The following HTR1A variants were observed in gnomAD, a reference collection of about 807,000 sequenced individuals.
HTR1A encodes the protein 5-hydroxytryptamine receptor 1A, also known as 5-HT1a receptor.
In HTR1A, 17 loss-of-function variants were observed where a neutral mutation model predicts 24.6. That is an observed-to-expected ratio of 0.69 (90% CI 0.47 to 1.04). HTR1A has a LOEUF of 1.04. Among genes scored for constraint, HTR1A ranks in the 50% least tolerant of loss-of-function variants. HTR1A has a pLI of 0.00. For synonymous variants in HTR1A, 262 were observed against 244.6 expected, an observed-to-expected ratio of 1.07 and a Z score of -0.67; for missense variants, 515 against 565.1, an observed-to-expected ratio of 0.91 and a Z score of 0.90.
rs1204328152 is a variant in HTR1A at position 63,959,502 on chromosome 5, C to T, written c.*949G>A. Among the ~76,000 whole-genome samples the T allele has an allele frequency of 6.6e-6, 1 of 152,254 alleles. No homozygotes were observed. Among genetic ancestry groups the T allele is most frequent in the East Asian group, 1.9e-4 (1 of 5,192 alleles). On this transcript the variant is annotated 3_prime_UTR_variant, in exon 1 of 1. Transcript: ENST00000323865. ...GCTTCCCCAGAGCGCAAACAGCGGC[C>T]GGCTGGCGCCTCCCGCAGTAAGTAA...
Position 63,960,676 on chromosome 5 carries a change from G to A in HTR1A, c.1044C>T (p.Gly348=). The change falls in exon 1 of 1, where the codon GGC becomes GGT. Residue 348 remains glycine, a synonymous_variant. Transcript: ENST00000323865. ...AGAGGATGAAGGTGCCCATGATGAT[G>A]CCCAGCGTCTTCACTGTCTTCCTCT... ...ARERKTVKTL[G]IIMGTFILCW... 6.2e-7 allele frequency: 1 copy of A among 1,614,244 alleles called. No homozygotes were observed. The highest frequency in any genetic ancestry group is 8.5e-7 in the Non-Finnish European group (1 of 1,180,050).
chr5:63,961,327 C>A lies in HTR1A; in HGVS notation c.393G>T (p.Ala131=), dbSNP rs1217425180. The A allele has an allele frequency of 6.2e-7, 1 of 1,614,074 alleles. No individual in the cohort carries two copies. Among genetic ancestry groups the A allele is most frequent in the Admixed American group, 1.7e-5 (1 of 60,020 alleles). ...TSSILHLCAI[A]LDRYWAITDP... is the part of the protein sequence containing the mutation. ...CCGTGATGGCCCAGTACCTGTCCAG[C>A]GCGATGGCGCACAGGTGCAAGATGG... The change falls in exon 1 of 1, where the codon GCG becomes GCT. Residue 131 remains alanine (A), a synonymous_variant. Transcript: ENST00000323865.
rs1746397342 is a variant in HTR1A at position 63,960,276 on chromosome 5, G to A, written c.*175C>T. The A allele has an allele frequency of 2.7e-6, 2 of 733,520 alleles. No homozygotes were observed. Among genetic ancestry groups the A allele is most frequent in the African/African-American group, 1.7e-5 (1 of 57,866 alleles). 45.4% of individuals were successfully genotyped at this position (733,520 alleles called of 1,614,324 possible). The stretch of plus-strand genomic sequence containing the variant: ...CTCCGCTGGGTCTCCTTTGCACAAA[G>A]GGCCCTGCCGTGGAGCAGGAAGTGG... On this transcript the variant is annotated 3_prime_UTR_variant, in exon 1 of 1. Coordinates refer to ENST00000323865, the MANE Select transcript of HTR1A (RefSeq NM_000524.4).
rs1397276540 is a variant in HTR1A at position 63,960,346 on chromosome 5, A to C, written c.*105T>G. On this transcript the variant is annotated 3_prime_UTR_variant, in exon 1 of 1. Transcript: ENST00000323865. ...AGCCGTGAGCGGAGCAGAGAGAAAG[A>C]GGAGAAGTGGCGAATTATCTTAAGT... is the stretch of plus-strand genomic sequence containing the variant. 2.5e-6 allele frequency: 3 copies of C among 1,178,160 alleles called. No individual in the cohort carries two copies. Among genetic ancestry groups the C allele is most frequent in the Admixed American group, 3.4e-5 (2 of 59,386 alleles). 73.0% of individuals were successfully genotyped at this position (1,178,160 alleles called of 1,614,324 possible).
chr5:63,960,845 A>T lies in HTR1A; in HGVS notation c.875T>A (p.Val292Glu). 1 of 1,614,012 alleles carries T rather than the reference A, an allele frequency of 6.2e-7. No homozygotes were observed. The highest frequency in any genetic ancestry group is 8.5e-7 in the Non-Finnish European group (1 of 1,179,954). ...GTTGCCCACTCGGTGCACCTCGATC[A>T]CCTCCAGGGCGGCGCCATCGTCACC... The part of the protein sequence containing the change: ...RQGDDGAALE[V>E]IEVHRVGNSK... Residue 292 changes from valine to glutamate, a missense_variant, in exon 1 of 1, where the codon GTG becomes GAG. By Grantham distance (121) the Val-to-Glu change is moderately radical (BLOSUM62 -2). Coordinates refer to ENST00000323865, the MANE Select transcript of HTR1A (RefSeq NM_000524.4).
In HTR1A at chr5:63,960,768, G is replaced by C; in HGVS notation, c.952C>G (p.Pro318Ala). 6.2e-7 allele frequency: 1 copy of C among 1,614,118 alleles called. No homozygotes were observed. The highest frequency in any genetic ancestry group is 8.5e-7 in the Non-Finnish European group (1 of 1,179,988). Reference protein sequence around the residue: ...PSEAGPTPCAPASFERKNERN... With the variant: ...PSEAGPTPCAAASFERKNERN... Reference sequence around the variant, plus strand: ...TCATTTTTCCTCTCGAAAGAGGCGGGGGCACAAGGGGTAGGACCAGCCTCG... The same window carrying C: ...TCATTTTTCCTCTCGAAAGAGGCGGCGGCACAAGGGGTAGGACCAGCCTCG... The change falls in exon 1 of 1, where the codon CCC (proline) becomes GCC (alanine). Residue 318 changes from proline (P) to alanine (A), a missense_variant. By Grantham distance (27) the Pro-to-Ala change is conservative (BLOSUM62 -1). Around this residue, in one of 3 missense-constraint regions of HTR1A, gnomAD observed 381 missense variants for 384.5 expected, o/e 0.99. Transcript: ENST00000323865.
Position 63,958,923 on chromosome 5 carries a change from C to G in HTR1A, c.*1528G>C, listed in dbSNP as rs1416347958. ...CCAGGAAGACCACCTCCTAACTAGT[C>G]CTTTAGGACCCTGCTATTTAAACTA... On this transcript the variant is annotated 3_prime_UTR_variant, in exon 1 of 1. Transcript: ENST00000323865. Among the ~76,000 whole-genome samples the G allele has an allele frequency of 6.6e-6, 1 of 152,166 alleles. No individual in the cohort carries two copies. Among genetic ancestry groups the G allele is most frequent in the Non-Finnish European group, 1.5e-5 (1 of 68,026 alleles).
rs544273487 is a variant in HTR1A at position 63,960,442 on chromosome 5, C to T, written c.*9G>A. ...CTGTAGCCTCGACTGGCCGGCTACTCCTCCGTCATCACTGGCGGCAGAACT... is the reference window on the plus strand; with the variant it reads ...CTGTAGCCTCGACTGGCCGGCTACTTCTCCGTCATCACTGGCGGCAGAACT... On this transcript the variant is annotated 3_prime_UTR_variant, in exon 1 of 1. Transcript: ENST00000323865. 1.5e-5 allele frequency: 25 copies of T among 1,614,056 alleles called. No homozygotes were observed. In the African/African-American group the frequency reaches 2.7e-4, roughly 17 times the overall value.
Position 63,961,293 on chromosome 5 carries a change from C to T in HTR1A, c.427G>A (p.Asp143Asn). Reference protein sequence around the residue: ...DRYWAITDPIDYVNKRTPRRA... With the variant: ...DRYWAITDPINYVNKRTPRRA... ...CGGGGCGTCCTCTTGTTCACGTAGTCGATGGGGTCCGTGATGGCCCAGTAC... is the reference window on the plus strand; with the variant it reads ...CGGGGCGTCCTCTTGTTCACGTAGTTGATGGGGTCCGTGATGGCCCAGTAC... Residue 143 changes from aspartate (D) to asparagine (N), a missense_variant, in exon 1 of 1, where the codon GAC becomes AAC. Around this residue, in one of 3 missense-constraint regions of HTR1A, gnomAD observed 381 missense variants for 384.5 expected, o/e 0.99. Transcript: ENST00000323865. 1 of 1,614,104 alleles carries T rather than the reference C, an allele frequency of 6.2e-7. No homozygotes were observed. Among genetic ancestry groups the T allele is most frequent in the Admixed American group, 1.7e-5 (1 of 60,032 alleles).
Position 63,961,246 on chromosome 5 carries a change from C to T in HTR1A, c.474G>A (p.Ser158=), listed in dbSNP as rs1314227964. 5 of 1,614,066 alleles carry T rather than the reference C, an allele frequency of 3.1e-6. No homozygotes were observed. Among genetic ancestry groups the T allele is most frequent in the South Asian group, 2.2e-5 (2 of 91,092 alleles). The part of the protein sequence containing the change: ...RTPRRAAALI[S]LTWLIGFLIS... ...TGAGGAAGCCAATAAGCCAAGTGAG[C>T]GAGATGAGCGCAGCGGCGCGCCGGG... is the stretch of plus-strand genomic sequence containing the variant. The change falls in exon 1 of 1, where the codon TCG becomes TCA. Residue 158 remains serine, a synonymous_variant. Coordinates refer to ENST00000323865, the MANE Select transcript of HTR1A (RefSeq NM_000524.4).
Position 63,960,591 on chromosome 5 carries a change from T to A in HTR1A, c.1129A>T (p.Met377Leu). The A allele has an allele frequency of 2.5e-6, 4 of 1,614,220 alleles. No homozygotes were observed. The highest frequency in any genetic ancestry group is 3.4e-6 in the Non-Finnish European group (4 of 1,180,042). Reference protein sequence around the residue: ...VLPFCESSCHMPTLLGAIINW... With the variant: ...VLPFCESSCHLPTLLGAIINW... ...ATTATGGCGCCCAACAGGGTGGGCA[T>A]GTGGCAGCTGCTCTCGCAGAAGGGC... Residue 377 changes from methionine to leucine, a missense_variant, in exon 1 of 1, where the codon ATG becomes TTG. This residue lies in a region of HTR1A where 381 missense variants were observed against 384.5 expected (regional missense o/e 0.99). Transcript: ENST00000323865.
At position 63,961,150 on chromosome 5, in the gene HTR1A, G is replaced by A; in HGVS notation, c.570C>T (p.Ser190=). The A allele has an allele frequency of 6.2e-7, 1 of 1,614,248 alleles. No homozygotes were observed. Among genetic ancestry groups the A allele is most frequent in the Non-Finnish European group, 8.5e-7 (1 of 1,180,054 alleles). ...AATAGATAGTGTAGCCATGATCCTT[G>A]CTAATGGTGCATGCGTCGGGGTCCG... ...DRSDPDACTI[S]KDHGYTIYST... The change falls in exon 1 of 1, where the codon AGC becomes AGT. Residue 190 remains serine (S), a synonymous_variant. Transcript: ENST00000323865.
Position 63,962,203 on chromosome 5 carries a change from C to G in HTR1A, c.-484G>C, listed in dbSNP as rs1209494533. On this transcript the variant is annotated 5_prime_UTR_variant, in exon 1 of 1. Coordinates refer to ENST00000323865, the MANE Select transcript of HTR1A (RefSeq NM_000524.4). ...CTCCCCCTCTCTCCTCCTCTCTTCTCTCTCTTCTGCCTCTTTCGTCCCCCT... is the reference window on the plus strand; with the variant it reads ...CTCCCCCTCTCTCCTCCTCTCTTCTGTCTCTTCTGCCTCTTTCGTCCCCCT... 4.6e-6 allele frequency: 1 copy of G among 215,420 alleles called. No individual in the cohort carries two copies. The highest frequency in any genetic ancestry group is 2.3e-5 in the African/African-American group (1 of 42,842). The allele number at this position is 215,420 out of a possible 1,614,324, so 13.3% of individuals were successfully genotyped here.
In HTR1A at chr5:63,959,998, C is replaced by T; in HGVS notation, c.*453G>A. ...CAGGGCGGGAGAGATGGAGCAAATT[C>T]CCAAACCTCAAGTCCAAGTTCTAGA... is the stretch of plus-strand genomic sequence containing the variant. On this transcript the variant is annotated 3_prime_UTR_variant, in exon 1 of 1. Transcript: ENST00000323865. Among the ~76,000 whole-genome samples the T allele has an allele frequency of 6.6e-6, 1 of 152,164 alleles. No individual in the cohort carries two copies. Among genetic ancestry groups the T allele is most frequent in the Non-Finnish European group, 1.5e-5 (1 of 68,022 alleles).
In HTR1A at chr5:63,961,480, G is replaced by T; in HGVS notation, c.240C>A (p.Val80=). 1 of 1,614,060 alleles carries T rather than the reference G, an allele frequency of 6.2e-7. No individual in the cohort carries two copies. Among genetic ancestry groups the T allele is most frequent in the South Asian group, 1.1e-5 (1 of 91,056 alleles). ...CCAACACCGACACCATGAGGTCGGTGACCGCCAAAGAGCCAATAAGATAAT... is the reference window on the plus strand; with the variant it reads ...CCAACACCGACACCATGAGGTCGGTTACCGCCAAAGAGCCAATAAGATAAT... The part of the protein sequence containing the change: ...VANYLIGSLA[V]TDLMVSVLVL... The change falls in exon 1 of 1, where the codon GTC becomes GTA. Residue 80 remains valine, a synonymous_variant. Coordinates refer to ENST00000323865, the MANE Select transcript of HTR1A (RefSeq NM_000524.4).
In HTR1A at chr5:63,958,440, G is replaced by T. The variant is rs948150394; in HGVS notation, c.*2011C>A. Reference sequence around the variant, plus strand: ...TAAAATGGCTTCAACTGACAGAGCTGTCCTTTCACTTTCTTAATTATAAAC... The same window carrying T: ...TAAAATGGCTTCAACTGACAGAGCTTTCCTTTCACTTTCTTAATTATAAAC... On this transcript the variant is annotated 3_prime_UTR_variant, in exon 1 of 1. Coordinates refer to ENST00000323865, the MANE Select transcript of HTR1A (RefSeq NM_000524.4). Among the ~76,000 whole-genome samples, 12 of 152,212 alleles carry T rather than the reference G, an allele frequency of 7.9e-5. No homozygotes were observed. The highest frequency in any genetic ancestry group is 2.9e-4 in the African/African-American group (12 of 41,454).
Position 63,960,277 on chromosome 5 carries a change from G to A in HTR1A, c.*174C>T, listed in dbSNP as rs537541188. On this transcript the variant is annotated 3_prime_UTR_variant, in exon 1 of 1. Transcript: ENST00000323865. ...TCCGCTGGGTCTCCTTTGCACAAAG[G>A]GCCCTGCCGTGGAGCAGGAAGTGGG... 1.4e-6 allele frequency: 1 copy of A among 736,242 alleles called. No individual in the cohort carries two copies. Among genetic ancestry groups the A allele is most frequent in the South Asian group, 1.6e-5 (1 of 63,948 alleles). 45.6% of individuals were successfully genotyped at this position (736,242 alleles called of 1,614,324 possible).
Position 63,958,470 on chromosome 5 carries a change from G to T in HTR1A, c.*1981C>A, listed in dbSNP as rs144908747. Among the ~76,000 whole-genome samples the T allele has an allele frequency of 6.6e-6, 1 of 152,272 alleles. No individual in the cohort carries two copies. The highest frequency in any genetic ancestry group is 1.9e-4 in the East Asian group (1 of 5,184). ...TTCACTTTCTTAATTATAAACAAAT[G>T]AACTTTTCACTGGCAATTTTTGCAA... On this transcript the variant is annotated 3_prime_UTR_variant, in exon 1 of 1. Transcript: ENST00000323865.
In HTR1A at chr5:63,959,436, G is replaced by A. The variant is rs1746377768; in HGVS notation, c.*1015C>T. On this transcript the variant is annotated 3_prime_UTR_variant, in exon 1 of 1. Transcript: ENST00000323865. ...CGGGAGCGCCTAGCGCGCTGCGAGAGCACAGATGGCTGGGGAGGCGCGCGG... is the reference window on the plus strand; with the variant it reads ...CGGGAGCGCCTAGCGCGCTGCGAGAACACAGATGGCTGGGGAGGCGCGCGG... Among the ~76,000 whole-genome samples the A allele has an allele frequency of 6.6e-6, 1 of 152,266 alleles. No individual in the cohort carries two copies. Among genetic ancestry groups the A allele is most frequent in the Non-Finnish European group, 1.5e-5 (1 of 68,048 alleles).
Sources: gnomAD v4.1 joint callset for allele counts (sites outside exome capture counted in the v4.1 genomes callset) on GRCh38, gnomAD v4.1.1 for gene constraint, gnomAD v4.1.1 regional missense constraint, MANE v1.5 for transcripts, NCBI Gene and HGNC (gene_info 2026-07-23, HGNC 2026-07-21) for gene names.